Variants in GRIA4 observed in about 807,000 individuals in gnomAD.
GRIA4 encodes glutamate receptor 4.
In GRIA4, 34 loss-of-function variants were observed where a neutral mutation model predicts 104.0. The observed-to-expected ratio is 0.33, with a 90% CI of 0.25 to 0.44. The LOEUF is 0.44. Ranked by LOEUF, GRIA4 falls within the 20% of genes least tolerant of loss-of-function variation. GRIA4 has a pLI of 1.00. For missense variants in GRIA4, 750 were observed against 1,096.5 expected, an observed-to-expected ratio of 0.68 and a Z score of 4.46; for synonymous variants, 386 against 381.9, an observed-to-expected ratio of 1.01 and a Z score of -0.13.
intron 4 of GRIA4, among the ~76,000 whole-genome samples, chr11:105,772,450 A>G (rs1941252655): frequency 6.6e-6 from 1 of 152,140 alleles, no homozygotes; most frequent in Admixed American, 6.6e-5. Context: ...AATGTGGTAA[A>G]TGTATTTTCT....
intron 14 of GRIA4, among the ~76,000 whole-genome samples, chr11:105,952,835 A>C (rs768702851): frequency 1.3e-5 from 2 of 152,198 alleles, no homozygotes; most frequent in Non-Finnish European, 2.9e-5. Flanking sequence ...TCCACTTACA[A>C]AAATTTTTCT....
At chr11:105,766,857 C>T (rs924958736) in intron 4 of GRIA4, among the ~76,000 whole-genome samples, 1 of 151,092 alleles carries the variant, frequency 6.6e-6, no homozygotes, top group Non-Finnish European at 1.5e-5. Context: ...GAAGACCTCA[C>T]TGCTTCCCCT....
chr11:105,864,988 C>G (rs949656503), intron 5 of GRIA4, among the ~76,000 whole-genome samples: 4 of 152,152 alleles, frequency 2.6e-5, no homozygotes, highest in African/African-American at 7.2e-5. Context: ...AGAAATAGTT[C>G]AGACAATATT....
chr11:105,828,387 G>A (rs536619969), intron 4 of GRIA4, among the ~76,000 whole-genome samples: 20 of 152,036 alleles, frequency 1.3e-4, no homozygotes, highest in Admixed American at 5.3e-4. Context: ...AGTAGAAACC[G>A]TAGTTGGCAC....
Position 105,932,980 on chromosome 11 carries a change from T to C in GRIA4, c.2047-742T>C, listed in dbSNP as rs7951139. 3.1e-3 allele frequency among the ~76,000 whole-genome samples: 473 copies of C among 152,280 alleles called. 6 individuals carry two copies. Among genetic ancestry groups the C allele is most frequent in the African/African-American group, 0.011 (449 of 41,562 alleles). On this transcript the variant is annotated intron_variant, in intron 13 of 16. Coordinates refer to ENST00000282499, the MANE Select transcript of GRIA4 (RefSeq NM_000829.4). Reference sequence around the variant, plus strand: ...ACAGCCAGACATGGTGGCTCACACCTGTAATCCCAGCACTTTGGGAGGCTG... The same window carrying C: ...ACAGCCAGACATGGTGGCTCACACCCGTAATCCCAGCACTTTGGGAGGCTG...
At chr11:105,884,979 G>A (rs1026678622) in intron 5 of GRIA4, among the ~76,000 whole-genome samples, 4 of 145,958 alleles carry the variant, frequency 2.7e-5, no homozygotes, top group African/African-American at 5.0e-5. Flanking sequence ...GGCAGGGTGC[G>A]GACAGGGGCT....
At chr11:105,973,902 G>A (rs1027258472) in intron 15 of GRIA4, among the ~76,000 whole-genome samples, 7 of 152,056 alleles carry the variant, frequency 4.6e-5, no homozygotes, top group Middle Eastern at 3.2e-3. Flanking sequence ...TATTCTAATA[G>A]AAGCAAAGCT....
intron 4 of GRIA4, among the ~76,000 whole-genome samples, chr11:105,798,185 G>A (rs896436616): frequency 1.3e-5 from 2 of 152,072 alleles, no homozygotes; most frequent in African/African-American, 2.4e-5. Flanking sequence ...TTAAAAAGAT[G>A]AATTAGATAA....
intron 3 of GRIA4, among the ~76,000 whole-genome samples, chr11:105,627,736 G>T (rs1324762924): frequency 6.6e-6 from 1 of 152,140 alleles, no homozygotes; most frequent in African/African-American, 2.4e-5. Flanking sequence ...TAATAAACAG[G>T]TTGGAAAAGA....
intron 14 of GRIA4, among the ~76,000 whole-genome samples, chr11:105,938,900 C>T (rs1294107497): frequency 1.3e-5 from 2 of 152,184 alleles, no homozygotes; most frequent in East Asian, 3.8e-4. Context: ...GCATTCCTCT[C>T]TTTCCAGATG....
At chr11:105,633,790 A>ATAATGTG (rs1177393792) in intron 3 of GRIA4, among the ~76,000 whole-genome samples, 24 of 152,150 alleles carry the variant, frequency 1.6e-4, no homozygotes, top group Admixed American at 1.6e-3. Context: ...CATAAATGAC[A>ATAATGTG]ACCAGTTTAC....
intron 3 of GRIA4, among the ~76,000 whole-genome samples, chr11:105,641,382 TG>T (rs1345066709): frequency 6.6e-6 from 1 of 152,192 alleles, no homozygotes; most frequent in African/African-American, 2.4e-5. Context: ...TTGTCACTCA[TG>T]CTCCTTATAG....
intron 4 of GRIA4, among the ~76,000 whole-genome samples, chr11:105,773,118 C>T (rs576564336): frequency 2.6e-5 from 4 of 152,238 alleles, no homozygotes; most frequent in Admixed American, 1.3e-4. Context: ...CCCTACTCCT[C>T]CTTCTCATTC....
rs73627647 is a variant in GRIA4, at chr11:105,667,454, T to C, written c.247+55020T>C. Among the ~76,000 whole-genome samples, 733 of 152,110 alleles carry C rather than the reference T, an allele frequency of 4.8e-3. 9 individuals carry two copies. The highest frequency in any genetic ancestry group is 0.017 in the African/African-American group (700 of 41,554). On this transcript the variant is annotated intron_variant, in intron 3 of 16. Coordinates refer to ENST00000282499, the MANE Select transcript of GRIA4 (RefSeq NM_000829.4). ...AATGAACTCGTTTCTTTTCAGTGTT[T>C]TTAGTTATACAAGTTATTCTTATAA...
chr11:105,708,551 G>T (rs956615312), intron 3 of GRIA4, among the ~76,000 whole-genome samples: 1 of 151,956 alleles, frequency 6.6e-6, no homozygotes, highest in Non-Finnish European at 1.5e-5. Context: ...GAGAAGAAAA[G>T]AACTTAGGTA....
chr11:105,918,676 A>G, intron 10 of GRIA4, 36 bp from the exon 11 acceptor site: 3 of 1,018,186 alleles, frequency 2.9e-6, no homozygotes, highest in Non-Finnish European at 4.6e-6. Flanking sequence ...AATGTTTTAT[A>G]ATTTCTCCTT....
chr11:105,976,512 G>A (rs1453869022), intron 16 of GRIA4, among the ~76,000 whole-genome samples: 1 of 151,892 alleles, frequency 6.6e-6, no homozygotes, highest in African/African-American at 2.4e-5. Context: ...AGCATTCATT[G>A]GACATTTTAA....
At chr11:105,912,078 C>T (rs72978096) in intron 10 of GRIA4, 93,423 of 1,118,856 alleles carry the variant, frequency 0.083, 4,383 homozygotes, top group Admixed American at 0.18. Flanking sequence ...TTCTGAGATA[C>T]TAGAACAAAA....
At chr11:105,914,518 ATATTT>A (rs1947343909) in intron 10 of GRIA4, among the ~76,000 whole-genome samples, 2 of 152,180 alleles carry the variant, frequency 1.3e-5, no homozygotes, top group Admixed American at 6.6e-5. Flanking sequence ...TAGGAAAATT[ATATTT>A]TATTGATTAA....
Sources: allele counts gnomAD v4.1 joint callset (sites outside exome capture counted in the v4.1 genomes callset), GRCh38; gene constraint gnomAD v4.1.1; transcripts MANE v1.5; gene names NCBI Gene and HGNC (gene_info 2026-07-23, HGNC 2026-07-21).